CNBD1: variants seen among roughly 807,000 people sequenced by gnomAD.
The protein encoded by CNBD1 is cyclic nucleotide-binding domain-containing protein 1.
In CNBD1, 71 loss-of-function variants were observed where a neutral mutation model predicts 54.4. The observed-to-expected ratio is 1.30, with a 90% CI of 1.08 to 1.59. The LOEUF is 1.59. Ranked by LOEUF, CNBD1 falls within the 40% of genes most tolerant of loss-of-function variation. CNBD1 has a pLI of 0.00. For synonymous variants in CNBD1, 182 were observed against 170.7 expected (o/e 1.07, Z -0.51); for missense variants, 659 against 518.0 (o/e 1.27, Z -2.64).
intron 4 of CNBD1, among the ~76,000 whole-genome samples, chr8:87,137,012 G>T (rs867494332): frequency 2.1e-5 from 2 of 97,314 alleles, no homozygotes; most frequent in East Asian, 2.9e-4. Flanking sequence ...TATATTCTAT[G>T]TAAATTATAT....
chr8:87,301,675 C>A (rs1015396123), intron 8 of CNBD1, among the ~76,000 whole-genome samples: 6 of 151,872 alleles, frequency 4.0e-5, no homozygotes, highest in Admixed American at 2.6e-4. Flanking sequence ...ACACAAAAAA[C>A]CCTTCAAAAA....
chr8:87,337,301 G>A (rs1432268343), intron 8 of CNBD1, among the ~76,000 whole-genome samples: 2 of 152,140 alleles, frequency 1.3e-5, no homozygotes, highest in East Asian at 1.9e-4. Context: ...GCTAGGAGGA[G>A]GAAAGATTAA....
At chr8:87,304,599 C>T (rs1258818026) in intron 8 of CNBD1, among the ~76,000 whole-genome samples, 1 of 152,158 alleles carries the variant, frequency 6.6e-6, no homozygotes, top group East Asian at 1.9e-4. Flanking sequence ...AACAAACCTG[C>T]ACCTTGTGCA....
Position 87,367,684 on chromosome 8 carries a change from C to A in CNBD1, c.1303+13898C>A, listed in dbSNP as rs560865655. On this transcript the variant is annotated intron_variant, in intron 10 of 10. Coordinates refer to ENST00000518476, the MANE Select transcript of CNBD1 (RefSeq NM_173538.3). ...ATCTAATCAAATGTTCACAACAACC[C>A]ATTGAGAAATATGCATTTAATAGCC... 2.8e-4 allele frequency among the ~76,000 whole-genome samples: 43 copies of A among 152,164 alleles called. No individual in the cohort carries two copies. The South Asian group carries it at 8.7e-3, about 31-fold the overall frequency.
chr8:87,193,419 C>T (rs1813652552), intron 4 of CNBD1, among the ~76,000 whole-genome samples: 1 of 152,174 alleles, frequency 6.6e-6, no homozygotes, highest in African/African-American at 2.4e-5. Context: ...AATTGCCAGA[C>T]AGAATAATCT....
intron 8 of CNBD1, among the ~76,000 whole-genome samples, chr8:87,334,776 T>C (rs966833456): frequency 1.3e-5 from 2 of 151,170 alleles, no homozygotes; most frequent in East Asian, 3.9e-4. Flanking sequence ...CATAGTGCAG[T>C]GCAGTGGCGC....
chr8:86,987,148 G>T (rs758678758), intron 4 of CNBD1, among the ~76,000 whole-genome samples: 15 of 152,052 alleles, frequency 9.9e-5, no homozygotes, highest in Non-Finnish European at 1.5e-4. Context: ...CATGAACATG[G>T]AATGTTTTTC....
At chr8:87,412,918 G>A (rs559155257) in intron 2 of CNBD1, among the ~76,000 whole-genome samples, 1 of 152,058 alleles carries the variant, frequency 6.6e-6, no homozygotes, top group Non-Finnish European at 1.5e-5. Context: ...TTATGAATTT[G>A]TCTCAGGGTA....
At chr8:86,953,289 T>C (rs1807673257) in intron 4 of CNBD1, among the ~76,000 whole-genome samples, 1 of 152,216 alleles carries the variant, frequency 6.6e-6, no homozygotes, top group Admixed American at 6.5e-5. Context: ...GTTAAACTTC[T>C]GAAGCAACTG....
At chr8:87,119,028 T>G (rs192472386) in intron 4 of CNBD1, among the ~76,000 whole-genome samples, 1 of 152,298 alleles carries the variant, frequency 6.6e-6, no homozygotes, top group Non-Finnish European at 1.5e-5. Flanking sequence ...AAACATGTAT[T>G]CAGCACCTAC....
chr8:87,042,117 G>A (rs1162189871), intron 4 of CNBD1, among the ~76,000 whole-genome samples: 3 of 152,142 alleles, frequency 2.0e-5, no homozygotes, highest in Admixed American at 1.3e-4. Context: ...TCAACTTTTC[G>A]GCCTGTGCTC....
rs780826555 is a variant in CNBD1 at position 87,017,645 on chromosome 8, G to A, written c.431+77891G>A. 2.0e-5 allele frequency among the ~76,000 whole-genome samples: 3 copies of A among 152,162 alleles called. No homozygotes were observed. The Middle Eastern group carries it at 0.01, about 518-fold the overall frequency. On this transcript the variant is annotated intron_variant, in intron 4 of 10. Transcript: ENST00000518476. ...TAAACTCCAGTGCCTAATAGCTCTC[G>A]TGAGCTGTTTGGTCTGTAAATGGCA...
chr8:87,040,246 G>A (rs1810036010), intron 4 of CNBD1, among the ~76,000 whole-genome samples: 1 of 152,164 alleles, frequency 6.6e-6, no homozygotes, highest in South Asian at 2.1e-4. Flanking sequence ...TCTTCCCATA[G>A]TTAATTTGGG....
At chr8:87,323,985 C>T (rs982419237) in intron 8 of CNBD1, among the ~76,000 whole-genome samples, 20 of 135,192 alleles carry the variant, frequency 1.5e-4, no homozygotes, top group Admixed American at 3.7e-4. Flanking sequence ...CCATCAATAC[C>T]TAATTTATTG....
At chr8:87,278,223 A>G (rs1317964308) in intron 6 of CNBD1, among the ~76,000 whole-genome samples, 4 of 151,634 alleles carry the variant, frequency 2.6e-5, no homozygotes, top group African/African-American at 9.7e-5. Context: ...TGCAATTAAA[A>G]GCCCAACACA....
chr8:86,951,291 A>G (rs1398512007), intron 4 of CNBD1, among the ~76,000 whole-genome samples: 1 of 152,050 alleles, frequency 6.6e-6, no homozygotes, highest in Non-Finnish European at 1.5e-5. Context: ...CAGTTTTGGC[A>G]AGAATATAAT....
At chr8:86,932,168 C>A (rs371198050) in intron 3 of CNBD1, among the ~76,000 whole-genome samples, 63 of 152,310 alleles carry the variant, frequency 4.1e-4, no homozygotes, top group East Asian at 3.9e-3. Flanking sequence ...CTAATAATAG[C>A]ATGACACCTC....
At chr8:87,297,163 C>CAAAAAAAAAAAAAAAAAAAAAAAAAAA (rs555582073) in intron 8 of CNBD1, among the ~76,000 whole-genome samples, 1 of 88,756 alleles carries the variant, frequency 1.1e-5, no homozygotes, top group Non-Finnish European at 2.2e-5. Flanking sequence ...GGGTCCGTCT[C>CAAAAAAAAAAAAAAAAAAAAAAAAAAA]AAAAAAAAAA....
downstream of CNBD1, among the ~76,000 whole-genome samples, chr8:87,386,389 C>G (rs193179155): frequency 6.6e-6 from 1 of 151,848 alleles, no homozygotes; most frequent in Non-Finnish European, 1.5e-5. Flanking sequence ...GAATGGCTAA[C>G]GAGAATAACC....
Sources: allele counts gnomAD v4.1 joint callset (sites outside exome capture counted in the v4.1 genomes callset), GRCh38; gene constraint gnomAD v4.1.1; transcripts MANE v1.5; gene names NCBI Gene and HGNC (gene_info 2026-07-23, HGNC 2026-07-21).